Variants in REXO4 observed in about 807,000 individuals in gnomAD.
REXO4 encodes the protein REX4 homolog, 3'-5' exonuclease.
REXO4 carries 29 observed loss-of-function variants against 39.9 expected under a neutral mutation model. That is an observed-to-expected ratio of 0.73 (90% CI 0.54 to 0.99). REXO4 has a LOEUF of 0.99. REXO4 is among the 50% of genes least tolerant of loss of function. The pLI, the probability that REXO4 is intolerant of heterozygous loss-of-function variation, is 0.00. For missense variants in REXO4, 524 were observed against 546.5 expected, an observed-to-expected ratio of 0.96 and a Z score of 0.41; for synonymous variants, 184 against 206.2, an observed-to-expected ratio of 0.89 and a Z score of 0.92.
At chr9:133,407,724 A>G in intron 7 of REXO4, 83 bp downstream of exon 7, 1 of 1,076,854 alleles carries the variant, frequency 9.3e-7, no homozygotes, top group Non-Finnish European at 1.4e-6. Context: ...CACCTCCCCC[A>G]TGTCTGTGTC....
chr9:133,410,134 G>A (rs1185676705), intron 5 of REXO4, among the ~76,000 whole-genome samples: 2 of 152,196 alleles, frequency 1.3e-5, no homozygotes, highest in African/African-American at 4.8e-5. Context: ...AAAGGCTGCT[G>A]CCTGAACATT....
intron 3 of REXO4, 62 bp downstream of exon 3, chr9:133,412,713 TGAA>T: frequency 1.9e-6 from 3 of 1,587,242 alleles, no homozygotes; most frequent in East Asian, 4.5e-5. Context: ...TCCTCTTCCT[TGAA>T]GAAGCCCCGC....
chr9:133,411,685 G>C (rs1839217832), intron 4 of REXO4, among the ~76,000 whole-genome samples: 1 of 152,110 alleles, frequency 6.6e-6, no homozygotes, highest in Non-Finnish European at 1.5e-5. Context: ...CCAGCACTTT[G>C]GGAGGCGGAG....
chr9:133,415,198 C>G (rs1237012603), intron 1 of REXO4, among the ~76,000 whole-genome samples, 187 bp from the exon 2 acceptor site: 2 of 152,148 alleles, frequency 1.3e-5, no homozygotes. Flanking sequence ...TCATGGGTCA[C>G]TTGTGGTGAA....
rs1554782011 is a variant in REXO4 at position 133,417,771 on chromosome 9, G to A, written c.74C>T (p.Thr25Met). 6.8e-6 allele frequency: 11 copies of A among 1,611,888 alleles called. No homozygotes were observed. Among genetic ancestry groups the A allele is most frequent in the Non-Finnish European group, 9.3e-6 (11 of 1,179,908 alleles). The part of the protein sequence containing the change: ...SPVAKPGPVK[T>M]LTRKKNKKKK... Reference sequence around the variant, plus strand: ...CTTCTTGTTTTTCTTCCGAGTGAGCGTCTTGACAGGACCCGGCTTAGCCAC... The same window carrying A: ...CTTCTTGTTTTTCTTCCGAGTGAGCATCTTGACAGGACCCGGCTTAGCCAC... The change falls in exon 1 of 8, where the codon ACG becomes ATG. Residue 25 changes from threonine to methionine, a missense_variant. By Grantham distance (81) the Thr-to-Met change is moderately conservative. Transcript: ENST00000371942.
rs782052975 is a variant in REXO4, at chr9:133,417,790, T to C, written c.55A>G (p.Lys19Glu). The change falls in exon 1 of 8, where the codon AAG becomes GAG. Residue 19 changes from lysine to glutamate, a missense_variant. Lys to Glu is a moderately conservative substitution (Grantham distance 56, BLOSUM62 1). Transcript: ENST00000371942. ...GTGAGCGTCTTGACAGGACCCGGCT[T>C]AGCCACGGGGCTGCTCGGGGCGCGC... ...SKRAPSSPVAKPGPVKTLTRK... is the reference protein window; with the variant it reads ...SKRAPSSPVAEPGPVKTLTRK... 3 of 1,609,780 alleles carry C rather than the reference T, an allele frequency of 1.9e-6. No individual in the cohort carries two copies. Among genetic ancestry groups the C allele is most frequent in the African/African-American group, 1.3e-5 (1 of 75,052 alleles).
At position 133,412,360 on chromosome 9, in the gene REXO4, G is replaced by A. The variant is rs2285486; in HGVS notation, c.849C>T (p.Thr283=). ...KCVYDKYVKP[T]EPVTDYRTAV... is the part of the protein sequence containing the mutation. Reference sequence around the variant, plus strand: ...CTGTCCTATAGTCCGTCACGGGCTCGGTTGGTTTGACGTACTTGTCATAAA... The same window carrying A: ...CTGTCCTATAGTCCGTCACGGGCTCAGTTGGTTTGACGTACTTGTCATAAA... The change falls in exon 4 of 8, where the codon ACC becomes ACT. Residue 283 remains threonine, a synonymous_variant. Coordinates refer to ENST00000371942, the MANE Select transcript of REXO4 (RefSeq NM_020385.4). 612,235 of 1,613,822 alleles carry A rather than the reference G, an allele frequency of 0.38. 120,067 individuals are homozygous for A. The highest frequency in any genetic ancestry group is 0.45 in the South Asian group (41,264 of 91,076).
chr9:133,416,261 TACTCGTTACTGAGGGGAGGGC>T (rs1839593871), intron 1 of REXO4, among the ~76,000 whole-genome samples: 1 of 152,172 alleles, frequency 6.6e-6, no homozygotes, highest in Non-Finnish European at 1.5e-5. Flanking sequence ...AGTGAGAACT[TACTCGTTACTGAGGGGAGGGC>T]ACCAAGTCAT....
intron 1 of REXO4, chr9:133,415,514 T>G (rs1839534237): frequency 6.5e-6 from 1 of 153,482 alleles, no homozygotes; most frequent in African/African-American, 2.4e-5. Flanking sequence ...CAAACTGGAG[T>G]GGCTGAAGAA....
chr9:133,413,630 C>G (rs587638157), intron 2 of REXO4, among the ~76,000 whole-genome samples: 31 of 152,314 alleles, frequency 2.0e-4, no homozygotes, highest in Non-Finnish European at 3.2e-4. Context: ...TACTAGGAAG[C>G]TCACACAGGC....
chr9:133,417,643 G>C lies in REXO4; in HGVS notation c.202C>G (p.Gln68Glu), dbSNP rs782282532. Residue 68 changes from glutamine (Q) to glutamate (E), a missense_variant, in exon 1 of 8, where the codon CAA becomes GAA. By Grantham distance (29) the Gln-to-Glu change is conservative. Transcript: ENST00000371942. ...ACCTCTTGCAGCGCCTTCCAGTTTT[G>C]AGAAAAGTCTTCTGGTGCCTTTGGA... Reference protein sequence around the residue: ...RPPKAPEDFSQNWKALQEWLL... With the variant: ...RPPKAPEDFSENWKALQEWLL... The C allele has an allele frequency of 6.2e-7, 1 of 1,613,918 alleles. No individual in the cohort carries two copies. The highest frequency in any genetic ancestry group is 2.2e-5 in the East Asian group (1 of 44,878).
Position 133,412,306 on chromosome 9 carries a change from G to C in REXO4, c.903C>G (p.Leu301=), listed in dbSNP as rs1554780278. Residue 301 remains leucine (L), a synonymous_variant, in exon 4 of 8, where the codon CTC becomes CTG. Transcript: ENST00000371942. ...TAVSGIRPEN[L]KQGEELEVVQ... ...GAGCTGTGGATGACATACCCTGCTT[G>C]AGGTTCTCAGGCCGAATCCCACTGA... 1.9e-6 allele frequency: 3 copies of C among 1,613,570 alleles called. No individual in the cohort carries two copies. Among genetic ancestry groups the C allele is most frequent in the Non-Finnish European group, 2.5e-6 (3 of 1,179,994 alleles).
At position 133,412,197 on chromosome 9, in the gene REXO4, C is replaced by A; in HGVS notation, c.910+102G>T. On this transcript the variant is annotated intron_variant, in intron 4 of 7. Transcript: ENST00000371942. ...CAAAAGGAGACAAGACGCATCAAAA[C>A]CAGCTGCAGTGAGTGGTCTCAGACA... 4 of 1,227,816 alleles carry A rather than the reference C, an allele frequency of 3.3e-6. No homozygotes were observed. The South Asian group carries it at 4.0e-5, about 12-fold the overall frequency. 76.1% of individuals were successfully genotyped at this position (1,227,816 alleles called of 1,614,324 possible).
intron 4 of REXO4, among the ~76,000 whole-genome samples, chr9:133,411,952 A>C (rs974962221): frequency 2.0e-4 from 31 of 152,112 alleles, no homozygotes; most frequent in Admixed American, 2.0e-3. Flanking sequence ...TTTTTTTTAG[A>C]AATGAGGTCT....
rs781805760 is a variant in REXO4 at position 133,417,780 on chromosome 9, G to C, written c.65C>G (p.Pro22Arg). Reference protein sequence around the residue: ...APSSPVAKPGPVKTLTRKKNK... With the variant: ...APSSPVAKPGRVKTLTRKKNK... The stretch of plus-strand genomic sequence containing the variant: ...TTTCTTCCGAGTGAGCGTCTTGACA[G>C]GACCCGGCTTAGCCACGGGGCTGCT... The change falls in exon 1 of 8, where the codon CCT (proline) becomes CGT (arginine). Residue 22 changes from proline to arginine, a missense_variant. Pro to Arg is a moderately radical substitution (Grantham distance 103, BLOSUM62 -2). Transcript: ENST00000371942. The C allele has an allele frequency of 1.7e-5, 27 of 1,611,018 alleles. No individual in the cohort carries two copies. The highest frequency in any genetic ancestry group is 2.3e-5 in the Non-Finnish European group (27 of 1,179,896).
chr9:133,416,384 T>C (rs1554781568), intron 1 of REXO4, among the ~76,000 whole-genome samples: 1 of 152,180 alleles, frequency 6.6e-6, no homozygotes, highest in African/African-American at 2.4e-5. Context: ...AAACTACTTT[T>C]TACTTTTATT....
intron 4 of REXO4, 139 bp from the exon 5 acceptor site, chr9:133,411,212 G>A (rs1839195470): frequency 1.1e-5 from 8 of 718,294 alleles, no homozygotes; most frequent in South Asian, 3.3e-5. Flanking sequence ...AGGGTGACTC[G>A]AAGCCACCAC....
chr9:133,411,469 C>T (rs1171099108), intron 4 of REXO4, among the ~76,000 whole-genome samples: 1 of 152,168 alleles, frequency 6.6e-6, no homozygotes. Flanking sequence ...AAACTGCCCC[C>T]ACAAAAATGG....
At chr9:133,416,911 CG>C (rs1554781693) in intron 1 of REXO4, among the ~76,000 whole-genome samples, 1 of 152,200 alleles carries the variant, frequency 6.6e-6, no homozygotes, top group African/African-American at 2.4e-5. Context: ...ACTTCAAGAC[CG>C]TAAGTGTCGC....
Sources: allele counts gnomAD v4.1 joint callset (sites outside exome capture counted in the v4.1 genomes callset), GRCh38; gene constraint gnomAD v4.1.1; transcripts MANE v1.5; gene names NCBI Gene and HGNC (gene_info 2026-07-23, HGNC 2026-07-21).